PARP11: variants seen among roughly 807,000 people sequenced by gnomAD.
The protein encoded by PARP11 is protein mono-ADP-ribosyltransferase PARP11.
A neutral mutation model predicts 42.9 loss-of-function variants in PARP11; 31 were observed. The ratio of observed to expected loss-of-function variants is 0.72; its 90% CI spans 0.54 to 0.98. PARP11 has a LOEUF of 0.98. Ranked by LOEUF, PARP11 falls within the 50% of genes least tolerant of loss-of-function variation. PARP11 has a pLI of 0.00. For missense variants in PARP11, 365 were observed against 413.1 expected (o/e 0.88, Z 1.01); for synonymous variants, 137 against 127.3 (o/e 1.08, Z -0.51).
At chr12:3,836,925 G>A (rs1327781783) in intron 1 of PARP11, among the ~76,000 whole-genome samples, 2 of 152,134 alleles carry the variant, frequency 1.3e-5, no homozygotes, top group African/African-American at 4.8e-5. Flanking sequence ...GATTAAGGTG[G>A]CCAACCAGCT....
intron 4 of PARP11, among the ~76,000 whole-genome samples, chr12:3,823,748 T>C (rs952672468): frequency 1.3e-5 from 2 of 152,088 alleles, no homozygotes; most frequent in African/African-American, 4.8e-5. Flanking sequence ...AAACCCCATC[T>C]CTACTAAAAT....
At chr12:3,812,819 T>C (rs1477178953) in intron 7 of PARP11, among the ~76,000 whole-genome samples, 2 of 152,150 alleles carry the variant, frequency 1.3e-5, no homozygotes, top group Non-Finnish European at 1.5e-5. Context: ...TTCTGTTTTT[T>C]TGAGACAGAG....
At chr12:3,816,752 A>G (rs918361685) in intron 6 of PARP11, among the ~76,000 whole-genome samples, 1 of 152,232 alleles carries the variant, frequency 6.6e-6, no homozygotes, top group Non-Finnish European at 1.5e-5. Flanking sequence ...AGATACAAAA[A>G]TTAGCTGGGT....
intron 1 of PARP11, among the ~76,000 whole-genome samples, chr12:3,868,967 G>T (rs764483434): frequency 7.2e-5 from 11 of 152,174 alleles, no homozygotes; most frequent in Admixed American, 3.9e-4. Flanking sequence ...CCCTTCTAAA[G>T]GTTGTATGAG....
At chr12:3,829,056 T>C in intron 2 of PARP11, 26 bp from the exon 3 acceptor site, 1 of 1,612,942 alleles carries the variant, frequency 6.2e-7, no homozygotes. Context: ...GAAAGTTTCA[T>C]TTACCAGCTG....
At chr12:3,819,973 C>T (rs1947360973) in intron 6 of PARP11, among the ~76,000 whole-genome samples, 1 of 152,172 alleles carries the variant, frequency 6.6e-6, no homozygotes, top group African/African-American at 2.4e-5. Flanking sequence ...GCCTGAGATG[C>T]CCTTCTCCTA....
In PARP11 at chr12:3,873,395, A is replaced by C. The variant is rs1272749660; in HGVS notation, c.-166T>G. ...CTCCCTGTCACAAGCCAGCGTTTAC[A>C]GACCACCCAACCTCCCGACTTCCGC... On this transcript the variant is annotated 5_prime_UTR_variant, in exon 1 of 8. Transcript: ENST00000228820. The C allele has an allele frequency of 6.7e-5, 45 of 669,614 alleles. No individual in the cohort carries two copies. In the East Asian group the frequency reaches 1.2e-3, roughly 17 times the overall value. 41.5% of individuals were successfully genotyped at this position (669,614 alleles called of 1,614,324 possible). A position where few individuals can be genotyped will look rare whatever the true frequency, so the allele number is the denominator to read the frequency against.
chr12:3,840,427 C>G lies in PARP11; in HGVS notation c.19-10409G>C. 2 of 1,613,470 alleles carry G rather than the reference C, an allele frequency of 1.2e-6. No individual in the cohort carries two copies. Among genetic ancestry groups the G allele is most frequent in the Non-Finnish European group, 1.7e-6 (2 of 1,179,356 alleles). On this transcript the variant is annotated intron_variant, in intron 1 of 7. Transcript: ENST00000228820. This position sits in a 1 kb window ranked among gnomAD's most constrained non-coding sequence, Gnocchi z 4.4. The stretch of plus-strand genomic sequence containing the variant: ...CAAGCCAATAAAAGCCCCATTAGCA[C>G]TACCTCCTCGACTGCAGCATCCTTC...
At position 3,872,880 on chromosome 12, in the gene PARP11, C is replaced by A. The variant is rs1214194925; in HGVS notation, c.18+332G>T. On this transcript the variant is annotated intron_variant, in intron 1 of 7. Transcript: ENST00000228820. ...GACGGAGGTTGCGGTGGGCCGAGATCACGCCACTGCACTCCAGCCTGGACA... is the reference window on the plus strand; with the variant it reads ...GACGGAGGTTGCGGTGGGCCGAGATAACGCCACTGCACTCCAGCCTGGACA... 5.6e-6 allele frequency: 4 copies of A among 708,984 alleles called. No individual in the cohort carries two copies. The Admixed American group carries it at 1.9e-4, about 33-fold the overall frequency. 43.9% of individuals were successfully genotyped at this position (708,984 alleles called of 1,614,324 possible).
chr12:3,842,203 A>G (rs1947903662), intron 1 of PARP11: 1 of 1,608,444 alleles, frequency 6.2e-7, no homozygotes, highest in Non-Finnish European at 8.5e-7. Flanking sequence ...CCTGGGGCCA[A>G]CTCTGTGGAT....
At chr12:3,841,575 G>A in intron 1 of PARP11, 1 of 1,610,096 alleles carries the variant, frequency 6.2e-7, no homozygotes, top group Non-Finnish European at 8.5e-7. Flanking sequence ...CATCTCAGGT[G>A]TCTGAAAGTC....
Position 3,839,532 on chromosome 12 carries a change from G to C in PARP11, c.19-9514C>G, listed in dbSNP as rs571709499. ...TTCACTGTCTTCGAGAGAACAGAGA[G>C]AAATTTGAAGCGATTATAGGAGGAT... is the stretch of plus-strand genomic sequence containing the variant. On this transcript the variant is annotated intron_variant, in intron 1 of 7. Coordinates refer to ENST00000228820, the MANE Select transcript of PARP11 (RefSeq NM_020367.6). 2,581 of 1,581,576 alleles carry C rather than the reference G, an allele frequency of 1.6e-3. 5 individuals are homozygous for C. The highest frequency in any genetic ancestry group is 2.0e-3 in the Non-Finnish European group (2,319 of 1,150,692).
chr12:3,860,818 A>G (rs1948281794), intron 1 of PARP11, among the ~76,000 whole-genome samples: 1 of 152,140 alleles, frequency 6.6e-6, no homozygotes, highest in Non-Finnish European at 1.5e-5. Flanking sequence ...CTGGGACTAC[A>G]AGCACATGAC....
In PARP11 at chr12:3,814,116, G is replaced by A. The variant is rs1399071769; in HGVS notation, c.621C>T (p.Ser207=). 2 of 1,608,816 alleles carry A rather than the reference G, an allele frequency of 1.2e-6. No homozygotes were observed. Among genetic ancestry groups the A allele is most frequent in the African/African-American group, 2.7e-5 (2 of 74,776 alleles). The stretch of plus-strand genomic sequence containing the variant: ...TGCAGATTGCTTCCACAAATTCACT[G>A]CTGGTACCATGAAACAGCATTTGTT... ...INEQMLFHGT[S]SEFVEAICIH... Residue 207 remains serine, a synonymous_variant, in exon 7 of 8, where the codon AGC becomes AGT. Coordinates refer to ENST00000228820, the MANE Select transcript of PARP11 (RefSeq NM_020367.6).
chr12:3,849,257 T>C (rs1218729837), intron 1 of PARP11, among the ~76,000 whole-genome samples: 3 of 150,510 alleles, frequency 2.0e-5, no homozygotes, highest in Non-Finnish European at 2.9e-5. Context: ...TGGAGGTACC[T>C]CAAAAAAAAA....
chr12:3,864,128 T>C (rs1280202096), intron 1 of PARP11, among the ~76,000 whole-genome samples: 1 of 152,246 alleles, frequency 6.6e-6, no homozygotes, highest in Admixed American at 6.5e-5. Context: ...CCTAGGCTGC[T>C]GAGAATTTTA....
chr12:3,840,133 A>C lies in PARP11; in HGVS notation c.19-10115T>G. The C allele has an allele frequency of 6.2e-7, 1 of 1,610,918 alleles. No homozygotes were observed. Among genetic ancestry groups the C allele is most frequent in the Admixed American group, 1.7e-5 (1 of 60,026 alleles). On this transcript the variant is annotated intron_variant, in intron 1 of 7. Coordinates refer to ENST00000228820, the MANE Select transcript of PARP11 (RefSeq NM_020367.6). The surrounding 1 kb of genome is among the most constrained non-coding windows in gnomAD (Gnocchi z 4.4). Reference sequence around the variant, plus strand: ...AGCTCAGCAAAAACGTGATTATTCCATTGCTGCTGGCTTACAATATGAAGT... The same window carrying C: ...AGCTCAGCAAAAACGTGATTATTCCCTTGCTGCTGGCTTACAATATGAAGT...
intron 1 of PARP11, among the ~76,000 whole-genome samples, chr12:3,859,435 C>T (rs969361580): frequency 4.0e-5 from 6 of 151,752 alleles, no homozygotes; most frequent in African/African-American, 7.3e-5. Flanking sequence ...TGGTGGCACA[C>T]GCCTGTAGTC....
chr12:3,828,927 T>C lies in PARP11; in HGVS notation c.251A>G (p.Tyr84Cys), dbSNP rs1591769466. The C allele has an allele frequency of 6.2e-7, 1 of 1,614,074 alleles. No individual in the cohort carries two copies. Among genetic ancestry groups the C allele is most frequent in the Middle Eastern group, 1.7e-4 (1 of 6,044 alleles). The change falls in exon 3 of 8, where the codon TAC becomes TGC. Residue 84 changes from tyrosine to cysteine, a missense_variant. Coordinates refer to ENST00000228820, the MANE Select transcript of PARP11 (RefSeq NM_020367.6). ...SISFTTSKFS[Y>C]KIDFAEMKQM... ...AAACATACCTGCAAAGTCTATCTTGTAGCTGAATTTGGAAGTAGTAAAAGA... is the reference window on the plus strand; with the variant it reads ...AAACATACCTGCAAAGTCTATCTTGCAGCTGAATTTGGAAGTAGTAAAAGA...
Sources: allele counts gnomAD v4.1 joint callset (sites outside exome capture counted in the v4.1 genomes callset), GRCh38; gene constraint gnomAD v4.1.1; non-coding constraint Gnocchi (gnomAD v3.1); transcripts MANE v1.5; gene names NCBI Gene and HGNC (gene_info 2026-07-23, HGNC 2026-07-21).